The following PSMG2 variants were observed in gnomAD, a reference collection of about 807,000 sequenced individuals.
PSMG2 encodes CD40 ligand-activated specific transcript 3.
In PSMG2, 21 loss-of-function variants were observed where a neutral mutation model predicts 31.5. The observed-to-expected ratio is 0.67, with a 90% CI of 0.47 to 0.96. PSMG2 has a LOEUF of 0.96. PSMG2 is among the 40% of genes least tolerant of loss of function. PSMG2 has a pLI of 0.00. For missense variants in PSMG2, 318 were observed against 321.2 expected, an observed-to-expected ratio of 0.99 and a Z score of 0.08; for synonymous variants, 120 against 110.4, an observed-to-expected ratio of 1.09 and a Z score of -0.54.
At chr18:12,685,018 T>G (rs2039490080) in intron 1 of PSMG2, 1 of 152,078 alleles carries the variant, frequency 6.6e-6, no homozygotes, top group African/African-American at 2.4e-5. Flanking sequence ...TTCTCTTTTT[T>G]TTTTATGGAG....
intron 1 of PSMG2, among the ~76,000 whole-genome samples, chr18:12,668,597 C>CAAAAAAAAAAAAAAA (rs752216074): frequency 4.3e-4 from 31 of 72,824 alleles, no homozygotes; most frequent in South Asian, 7.6e-4. Context: ...GATTCCATCT[C>CAAAAAAAAAAAAAAA]AAAAAAAAAA....
chr18:12,684,734 C>A (rs568080177), intron 1 of PSMG2: 1 of 151,774 alleles, frequency 6.6e-6, no homozygotes, highest in African/African-American at 2.4e-5. Flanking sequence ...CCACCCTCCC[C>A]GGCCTCCCAA....
chr18:12,720,133 T>A (rs960442159), intron 4 of PSMG2, among the ~76,000 whole-genome samples: 1 of 152,190 alleles, frequency 6.6e-6, no homozygotes, highest in African/African-American at 2.4e-5. Context: ...TGTAACTGTT[T>A]TAGATGATGT....
intron 1 of PSMG2, among the ~76,000 whole-genome samples, chr18:12,680,415 G>A (rs981267976): frequency 6.6e-6 from 1 of 151,362 alleles, no homozygotes; most frequent in African/African-American, 2.4e-5. Flanking sequence ...GGCTAACATG[G>A]TGAAAACTTG....
At chr18:12,693,440 A>T (rs1435438809) in intron 1 of PSMG2, among the ~76,000 whole-genome samples, 1 of 151,828 alleles carries the variant, frequency 6.6e-6, no homozygotes, top group Non-Finnish European at 1.5e-5. Flanking sequence ...AAATTTAATT[A>T]AAAAAAACAA....
intron 1 of PSMG2, among the ~76,000 whole-genome samples, chr18:12,683,186 C>T (rs868058472): frequency 3.1e-5 from 2 of 63,662 alleles, no homozygotes; most frequent in African/African-American, 1.2e-4. Flanking sequence ...CTAAAAATAC[C>T]AAAAAAAAAA....
At chr18:12,718,734 CTCT>C (rs1201853120) in intron 4 of PSMG2, 99 bp downstream of exon 4, 16 of 784,996 alleles carry the variant, frequency 2.0e-5, no homozygotes, top group Non-Finnish European at 2.9e-5. Context: ...AGATCCTTAC[CTCT>C]TCTTACTGGA....
chr18:12,725,302 T>C (rs2040465994), intron 6 of PSMG2, 137 bp from the exon 7 acceptor site: 1 of 583,784 alleles, frequency 1.7e-6, no homozygotes. Flanking sequence ...AAAGAAACTT[T>C]ATTTTTCCTT....
At chr18:12,704,799 A>G (rs1023120884) in intron 1 of PSMG2, among the ~76,000 whole-genome samples, 1 of 152,228 alleles carries the variant, frequency 6.6e-6, no homozygotes, top group Non-Finnish European at 1.5e-5. Flanking sequence ...AGGATGGTAC[A>G]GAAGAGTTTA....
At chr18:12,659,628 C>T (rs920317501) in intron 1 of PSMG2, among the ~76,000 whole-genome samples, 1 of 152,102 alleles carries the variant, frequency 6.6e-6, no homozygotes, top group Non-Finnish European at 1.5e-5. Flanking sequence ...CAAGATCACA[C>T]CACTGCACTC....
intron 2 of PSMG2, among the ~76,000 whole-genome samples, chr18:12,712,112 G>A (rs1247658719): frequency 1.3e-5 from 2 of 152,138 alleles, no homozygotes; most frequent in Non-Finnish European, 1.5e-5. Context: ...TTTCTAGAGT[G>A]TGCCCCTTGT....
chr18:12,711,282 A>T (rs2040328376), intron 2 of PSMG2, among the ~76,000 whole-genome samples: 1 of 152,078 alleles, frequency 6.6e-6, no homozygotes, highest in Non-Finnish European at 1.5e-5. Flanking sequence ...AAAAAAAAAG[A>T]ATTGTATGAT....
upstream of PSMG2, chr18:12,701,172 T>C: frequency 7.4e-7 from 1 of 1,346,174 alleles, no homozygotes; most frequent in South Asian, 1.3e-5. Context: ...ATACTGCTTC[T>C]GAAGTTTTAA....
In PSMG2 at chr18:12,705,564, A is replaced by T. The variant is rs1156735575; in HGVS notation, c.58-986A>T. Among the ~76,000 whole-genome samples, 123 of 127,116 alleles carry T rather than the reference A, an allele frequency of 9.7e-4. 1 individual carries two copies. Among genetic ancestry groups the T allele is most frequent in the African/African-American group, 3.5e-3 (117 of 32,986 alleles). The allele number at this position is 127,116 out of a possible 152,430, so 83.4% of individuals were successfully genotyped here. On this transcript the variant is annotated intron_variant, in intron 1 of 6. Coordinates refer to ENST00000317615, the MANE Select transcript of PSMG2 (RefSeq NM_020232.5). ...GGGAAAAAGAGAGAGAGAGAGAGAG[A>T]GAGAGAGAGAGAGTGTGTGTGTGTG... is the stretch of plus-strand genomic sequence containing the variant.
At chr18:12,661,760 G>A (rs1281204535) in intron 1 of PSMG2, 1 of 154,522 alleles carries the variant, frequency 6.5e-6, no homozygotes, top group East Asian at 1.9e-4. Flanking sequence ...GGGTGACAGA[G>A]TGAGAGTCCG....
chr18:12,666,707 C>T (rs1438479056), intron 1 of PSMG2, among the ~76,000 whole-genome samples: 2 of 151,210 alleles, frequency 1.3e-5, no homozygotes, highest in Admixed American at 1.3e-4. Flanking sequence ...CCTTGGCCTC[C>T]TAAAGGGGTG....
chr18:12,704,842 G>A (rs9952000), intron 1 of PSMG2, among the ~76,000 whole-genome samples: 59,234 of 151,912 alleles, frequency 0.39, 11,967 homozygotes, highest in Non-Finnish European at 0.45. Flanking sequence ...GAAGGGAATT[G>A]CAGGAGGTAA....
chr18:12,717,588 AT>A (rs1483451933), intron 3 of PSMG2, among the ~76,000 whole-genome samples: 1 of 152,252 alleles, frequency 6.6e-6, no homozygotes, highest in African/African-American at 2.4e-5. Context: ...GAAAACCAGC[AT>A]TTAATGAATT....
At chr18:12,683,186 C>CAAAAAAAAAAAAAAAAAAAAA (rs765652085) in intron 1 of PSMG2, among the ~76,000 whole-genome samples, 6 of 63,678 alleles carry the variant, frequency 9.4e-5, no homozygotes, top group African/African-American at 1.8e-4. Context: ...CTAAAAATAC[C>CAAAAAAAAAAAAAAAAAAAAA]AAAAAAAAAA....
Sources: gnomAD v4.1 joint callset for allele counts (sites outside exome capture counted in the v4.1 genomes callset) on GRCh38, gnomAD v4.1.1 for gene constraint, MANE v1.5 for transcripts, NCBI Gene and HGNC (gene_info 2026-07-23, HGNC 2026-07-21) for gene names.